Variants in SLC22A23 observed in about 807,000 individuals in gnomAD.
SLC22A23 encodes the protein ion transporter protein.
SLC22A23 carries 26 observed loss-of-function variants against 61.0 expected under a neutral mutation model. That is an observed-to-expected ratio of 0.43 (90% CI 0.31 to 0.59). The LOEUF (loss-of-function observed/expected upper bound fraction) is 0.59, where lower values mean the gene tolerates loss of function less well. SLC22A23 is among the 20% of genes least tolerant of loss of function. SLC22A23 has a pLI of 0.11. For synonymous variants in SLC22A23, 430 were observed against 413.9 expected (o/e 1.04, Z -0.47); for missense variants, 796 against 934.7 (o/e 0.85, Z 1.94).
chr6:3,318,867 C>CA lies in SLC22A23; in HGVS notation c.1082+4966dup, dbSNP rs1326565801. Among the ~76,000 whole-genome samples the CA allele has an allele frequency of 6.6e-6, 1 of 152,128 alleles. No homozygotes were observed. The highest frequency in any genetic ancestry group is 2.4e-5 in the African/African-American group (1 of 41,402). ...CATCTCAGGAAACAGACCCAGCTGC[C>CA]ATCACTGCCTCCTCTCTCACCTTTG... On this transcript the variant is annotated intron_variant, in intron 4 of 9. Coordinates refer to ENST00000406686, the MANE Select transcript of SLC22A23 (RefSeq NM_015482.2). The surrounding 1 kb of genome is among the most constrained non-coding windows in gnomAD (Gnocchi z 4.3).
chr6:3,352,262 C>T (rs924201390), intron 3 of SLC22A23, among the ~76,000 whole-genome samples: 30 of 131,682 alleles, frequency 2.3e-4, no homozygotes, highest in Non-Finnish European at 4.1e-4. Context: ...AACATACACA[C>T]ACAGACATGC....
In SLC22A23 at chr6:3,306,230, G is replaced by A. The variant is rs114181717; in HGVS notation, c.1083-8012C>T. 9.6e-3 allele frequency among the ~76,000 whole-genome samples: 1,466 copies of A among 152,172 alleles called. 27 individuals are homozygous for A. The highest frequency in any genetic ancestry group is 0.033 in the African/African-American group (1,389 of 41,490). ...GAGCTCACTCATTACCGTGGGGAGCGTACCAAGCCCAAGGGGTCCACCCCC... is the reference window on the plus strand; with the variant it reads ...GAGCTCACTCATTACCGTGGGGAGCATACCAAGCCCAAGGGGTCCACCCCC... On this transcript the variant is annotated intron_variant, in intron 4 of 9. Coordinates refer to ENST00000406686, the MANE Select transcript of SLC22A23 (RefSeq NM_015482.2).
At chr6:3,438,741 G>C (rs141313971) in intron 1 of SLC22A23, among the ~76,000 whole-genome samples, 1 of 152,334 alleles carries the variant, frequency 6.6e-6, no homozygotes, top group African/African-American at 2.4e-5. Flanking sequence ...ATTCATTCCT[G>C]TATAAATATA....
intron 4 of SLC22A23, among the ~76,000 whole-genome samples, chr6:3,307,157 T>C (rs891953789): frequency 2.0e-5 from 3 of 152,188 alleles, no homozygotes; most frequent in Non-Finnish European, 4.4e-5. Context: ...ACTTGGTTAC[T>C]GACAAGCTGA....
intron 3 of SLC22A23, among the ~76,000 whole-genome samples, chr6:3,369,629 T>C (rs1015876955): frequency 6.6e-6 from 1 of 151,294 alleles, no homozygotes; most frequent in African/African-American, 2.4e-5. Context: ...AGGTGGAGGT[T>C]GCAGTGAGCC....
chr6:3,273,924 A>T (rs979737877), intron 9 of SLC22A23, among the ~76,000 whole-genome samples: 8 of 152,200 alleles, frequency 5.3e-5, no homozygotes, highest in Non-Finnish European at 1.2e-4. Context: ...GATACTTTAA[A>T]AGAGTAGTTT....
Position 3,336,799 on chromosome 6 carries a change from CTTTTTTT to C in SLC22A23, c.914-12804_914-12798del, listed in dbSNP as rs35612904. Among the ~76,000 whole-genome samples the C allele has an allele frequency of 1.5e-5, 2 of 131,636 alleles. 1 individual carries two copies. Among genetic ancestry groups the C allele is most frequent in the Non-Finnish European group, 3.2e-5 (2 of 62,270 alleles). The allele number at this position is 131,636 out of a possible 152,430, so 86.4% of individuals were successfully genotyped here. A position where few individuals can be genotyped will look rare whatever the true frequency, so the allele number is the denominator to read the frequency against. Reference sequence around the variant, plus strand: ...TAAATTAAGAAATAACTGTAGTAGGCTTTTTTTTTTTTTTTTTGACAAGGTCTCCCTC... The same window carrying C: ...TAAATTAAGAAATAACTGTAGTAGGCTTTTTTTTTTGACAAGGTCTCCCTC... On this transcript the variant is annotated intron_variant, in intron 3 of 9. Transcript: ENST00000406686.
intron 1 of SLC22A23, chr6:3,439,504 C>T: frequency 4.0e-6 from 1 of 247,298 alleles, no homozygotes. Context: ...AACTCCAGAG[C>T]CCAGTATGAT....
intron 4 of SLC22A23, among the ~76,000 whole-genome samples, chr6:3,307,662 C>T (rs886691605): frequency 6.6e-6 from 1 of 152,228 alleles, no homozygotes; most frequent in Non-Finnish European, 1.5e-5. Flanking sequence ...ACGGTAGGTG[C>T]ATGCTGAGCA....
intron 3 of SLC22A23, among the ~76,000 whole-genome samples, chr6:3,344,692 G>A (rs10498661): frequency 0.038 from 5,768 of 152,356 alleles, 199 homozygotes; most frequent in Non-Finnish European, 0.056. Flanking sequence ...TGTCTTGAAA[G>A]AACCAATTCC....
chr6:3,371,089 C>T (rs956702710), intron 3 of SLC22A23, among the ~76,000 whole-genome samples: 11 of 152,202 alleles, frequency 7.2e-5, no homozygotes, highest in Admixed American at 7.2e-4. Context: ...TTGAGATTTA[C>T]TTTTCAGACT....
At chr6:3,436,085 C>A (rs1206195094) in intron 1 of SLC22A23, among the ~76,000 whole-genome samples, 1 of 152,072 alleles carries the variant, frequency 6.6e-6, no homozygotes, top group Non-Finnish European at 1.5e-5. Flanking sequence ...CAGAGGATGA[C>A]CTAGAAGAGA....
rs1314642161 is a variant in SLC22A23 at position 3,272,782 on chromosome 6, G to GA, written c.*272dup. On this transcript the variant is annotated 3_prime_UTR_variant, in exon 10 of 10. Coordinates refer to ENST00000406686, the MANE Select transcript of SLC22A23 (RefSeq NM_015482.2). Reference sequence around the variant, plus strand: ...TTCCATTTGTGATCAGTGAGAGGGAGAGGGAATAAAGTGCTTCTCGTAAAA... The same window carrying GA: ...TTCCATTTGTGATCAGTGAGAGGGAGAAGGGAATAAAGTGCTTCTCGTAAAA... 3.1e-6 allele frequency: 1 copy of GA among 322,394 alleles called. No homozygotes were observed. The highest frequency in any genetic ancestry group is 5.7e-6 in the Non-Finnish European group (1 of 174,518). 20.0% of individuals were successfully genotyped at this position (322,394 alleles called of 1,614,324 possible).
At chr6:3,385,973 A>G (rs775733082) in intron 3 of SLC22A23, among the ~76,000 whole-genome samples, 3 of 152,178 alleles carry the variant, frequency 2.0e-5, no homozygotes, top group Non-Finnish European at 2.9e-5. Context: ...GGCTGCCAAG[A>G]TACTGCAACA....
Position 3,390,080 on chromosome 6 carries a change from A to C in SLC22A23, c.913+20108T>G, listed in dbSNP as rs1406490629. ...AACAGAGTTCTCCTGGCACGGCATCACTGGGCCAGTTGCCACCATCCGTCC... is the reference window on the plus strand; with the variant it reads ...AACAGAGTTCTCCTGGCACGGCATCCCTGGGCCAGTTGCCACCATCCGTCC... On this transcript the variant is annotated intron_variant, in intron 3 of 9. Coordinates refer to ENST00000406686, the MANE Select transcript of SLC22A23 (RefSeq NM_015482.2). The surrounding 1 kb of genome is among the most constrained non-coding windows in gnomAD (Gnocchi z 4.0). 6.6e-6 allele frequency among the ~76,000 whole-genome samples: 1 copy of C among 152,208 alleles called. No individual in the cohort carries two copies. The highest frequency in any genetic ancestry group is 1.9e-4 in the East Asian group (1 of 5,192).
At chr6:3,287,927 C>T (rs990666845) in intron 6 of SLC22A23, among the ~76,000 whole-genome samples, 1 of 152,156 alleles carries the variant, frequency 6.6e-6, no homozygotes, top group Admixed American at 6.5e-5. Flanking sequence ...TCAAGTGATC[C>T]GCCTGCCTTG....
chr6:3,452,179 A>G (rs1207282418), intron 1 of SLC22A23, among the ~76,000 whole-genome samples: 1 of 152,176 alleles, frequency 6.6e-6, no homozygotes, highest in Non-Finnish European at 1.5e-5. Flanking sequence ...CCAACTGATG[A>G]GGGGTTTATC....
At chr6:3,380,542 C>T (rs1255611755) in intron 3 of SLC22A23, among the ~76,000 whole-genome samples, 2 of 152,026 alleles carry the variant, frequency 1.3e-5, no homozygotes, top group African/African-American at 2.4e-5. Context: ...CCTGTGAAAC[C>T]GGACTCTATT....
intron 1 of SLC22A23, among the ~76,000 whole-genome samples, chr6:3,429,932 G>C (rs1385658917): frequency 6.6e-6 from 1 of 152,208 alleles, no homozygotes; most frequent in South Asian, 2.1e-4. Context: ...TGGGGATATA[G>C]CTTCAGCTTG....
Sources: allele counts gnomAD v4.1 joint callset (sites outside exome capture counted in the v4.1 genomes callset), GRCh38; gene constraint gnomAD v4.1.1; non-coding constraint Gnocchi (gnomAD v3.1); transcripts MANE v1.5; gene names NCBI Gene and HGNC (gene_info 2026-07-23, HGNC 2026-07-21).